Variants in SGCZ observed in about 807,000 individuals in gnomAD.
SGCZ encodes zeta-sarcoglycan.
Under a neutral mutation model 41.3 loss-of-function variants are expected in SGCZ, and 40 were observed. The ratio of observed to expected loss-of-function variants is 0.97; its 90% CI spans 0.75 to 1.26. SGCZ has a LOEUF of 1.26. Among genes scored for constraint, SGCZ ranks in the 50% most tolerant of loss-of-function variants. SGCZ has a pLI of 0.00. For missense variants in SGCZ, 552 were observed against 369.8 expected (o/e 1.49, Z -4.04); for synonymous variants, 206 against 137.5 (o/e 1.50, Z -3.49).
At chr8:14,739,831 A>T (rs1046423946) in intron 1 of SGCZ, among the ~76,000 whole-genome samples, 1 of 152,078 alleles carries the variant, frequency 6.6e-6, no homozygotes, top group African/African-American at 2.4e-5. Flanking sequence ...CTAGGTCAAC[A>T]GGGGCTTCCA....
intron 1 of SGCZ, among the ~76,000 whole-genome samples, chr8:14,595,265 AT>A (rs1244607519): frequency 6.6e-6 from 1 of 152,142 alleles, no homozygotes; most frequent in South Asian, 2.1e-4. Flanking sequence ...AAATAACAGT[AT>A]TTTTTTGGAA....
intron 1 of SGCZ, among the ~76,000 whole-genome samples, chr8:14,946,985 A>G (rs1192237966): frequency 6.6e-6 from 1 of 152,056 alleles, no homozygotes; most frequent in East Asian, 1.9e-4. Context: ...GCCTCTTTCT[A>G]TAGTTAGGGT....
chr8:14,480,618 G>A (rs1801509554), intron 2 of SGCZ, among the ~76,000 whole-genome samples: 1 of 152,014 alleles, frequency 6.6e-6, no homozygotes, highest in Non-Finnish European at 1.5e-5. Flanking sequence ...TTCAGTAACA[G>A]AGCTCGGGGC....
intron 1 of SGCZ, among the ~76,000 whole-genome samples, chr8:14,613,526 T>C (rs1167512454): frequency 1.3e-5 from 2 of 152,184 alleles, no homozygotes; most frequent in Non-Finnish European, 2.9e-5. Flanking sequence ...GCAAATAGTA[T>C]TTTGTTTCCT....
intron 2 of SGCZ, among the ~76,000 whole-genome samples, chr8:14,350,635 T>C (rs73664310): frequency 0.045 from 6,805 of 152,086 alleles, 502 homozygotes; most frequent in African/African-American, 0.15. Context: ...TGAAGGTCAA[T>C]TACTGCTCCA....
intron 1 of SGCZ, among the ~76,000 whole-genome samples, chr8:14,934,664 A>G (rs2130810725): frequency 6.6e-6 from 1 of 151,948 alleles, no homozygotes; most frequent in Middle Eastern, 3.4e-3. Context: ...AATGAGGGAA[A>G]AACAAAATGT....
chr8:14,176,649 A>T (rs1804551248), intron 4 of SGCZ, among the ~76,000 whole-genome samples: 1 of 152,120 alleles, frequency 6.6e-6, no homozygotes, highest in African/African-American at 2.4e-5. Flanking sequence ...ACTCTCCCCC[A>T]CCAGGTTACT....
Position 14,797,701 on chromosome 8 carries a change from G to A in SGCZ, c.40-242775C>T, listed in dbSNP as rs553906835. ...CCAAGGCATGTCAGAGACCTTTGTG[G>A]CAGCCCCTCCCATCACAGGCCCTGA... On this transcript the variant is annotated intron_variant, in intron 1 of 7. Coordinates refer to ENST00000382080, the MANE Select transcript of SGCZ (RefSeq NM_139167.4). Among the ~76,000 whole-genome samples, 54 of 152,320 alleles carry A rather than the reference G, an allele frequency of 3.5e-4. 2 individuals carry two copies. The highest frequency in any genetic ancestry group is 6.9e-4 in the Non-Finnish European group (47 of 68,024).
chr8:14,189,779 T>C (rs1805031491), intron 4 of SGCZ, among the ~76,000 whole-genome samples: 1 of 152,162 alleles, frequency 6.6e-6, no homozygotes, highest in Non-Finnish European at 1.5e-5. Flanking sequence ...TTTTGTTTGC[T>C]TGGCTATTTT....
chr8:15,147,713 G>C (rs889698848), intron 1 of SGCZ, among the ~76,000 whole-genome samples: 3 of 152,222 alleles, frequency 2.0e-5, no homozygotes, highest in African/African-American at 7.2e-5. Context: ...GAGAGGAGGG[G>C]AGAAGGCCCA....
intron 3 of SGCZ, among the ~76,000 whole-genome samples, chr8:14,285,794 C>CTATCAA (rs1800600228): frequency 6.6e-6 from 1 of 152,048 alleles, no homozygotes; most frequent in Non-Finnish European, 1.5e-5. Context: ...CACAGGTTCT[C>CTATCAA]TATCAATATC....
intron 5 of SGCZ, among the ~76,000 whole-genome samples, chr8:14,125,201 G>A (rs1344817933): frequency 6.6e-6 from 1 of 152,020 alleles, no homozygotes; most frequent in African/African-American, 2.4e-5. Context: ...ACTATTGTTG[G>A]CCAGGCGTGG....
At chr8:14,840,557 G>A (rs1802867349) in intron 1 of SGCZ, among the ~76,000 whole-genome samples, 1 of 152,056 alleles carries the variant, frequency 6.6e-6, no homozygotes, top group South Asian at 2.1e-4. Context: ...AGATAAGTGG[G>A]ACTAATGGAG....
intron 2 of SGCZ, among the ~76,000 whole-genome samples, chr8:14,454,565 C>T (rs73519315): frequency 0.022 from 3,323 of 151,918 alleles, 141 homozygotes; most frequent in African/African-American, 0.076. Context: ...AAAGTTCATA[C>T]GTAAAAACAG....
At chr8:14,487,420 A>G (rs1284554447) in intron 2 of SGCZ, among the ~76,000 whole-genome samples, 2 of 152,350 alleles carry the variant, frequency 1.3e-5, no homozygotes, top group East Asian at 3.9e-4. Flanking sequence ...TTTATGCAAT[A>G]TAGATACCAT....
chr8:15,089,874 A>C (rs1240146794), intron 1 of SGCZ, among the ~76,000 whole-genome samples: 1 of 152,224 alleles, frequency 6.6e-6, no homozygotes, highest in Non-Finnish European at 1.5e-5. Flanking sequence ...TGCTCAGTTA[A>C]TACTGTGTTC....
intron 2 of SGCZ, among the ~76,000 whole-genome samples, chr8:14,429,411 C>A (rs572880181): frequency 6.6e-6 from 1 of 152,218 alleles, no homozygotes; most frequent in East Asian, 1.9e-4. Flanking sequence ...TCAACACTTA[C>A]AAGATATATT....
chr8:14,365,155 T>G (rs1387068146), intron 2 of SGCZ, among the ~76,000 whole-genome samples: 1 of 152,030 alleles, frequency 6.6e-6, no homozygotes, highest in Non-Finnish European at 1.5e-5. Context: ...GATTACAGGG[T>G]ACATCCCTTT....
intron 1 of SGCZ, among the ~76,000 whole-genome samples, chr8:14,649,686 A>G (rs538509316): frequency 2.0e-5 from 3 of 152,228 alleles, no homozygotes; most frequent in Admixed American, 1.3e-4. Context: ...CTAAACACGT[A>G]GATTTCCAAT....
Sources: allele counts gnomAD v4.1 joint callset (sites outside exome capture counted in the v4.1 genomes callset), GRCh38; gene constraint gnomAD v4.1.1; transcripts MANE v1.5; gene names NCBI Gene and HGNC (gene_info 2026-07-23, HGNC 2026-07-21).